The following SFXN1 variants were observed in gnomAD, a reference collection of about 807,000 sequenced individuals.
SFXN1 encodes the protein sideroflexin 1, also known as sideroflexin-1.
Under a neutral mutation model 39.5 loss-of-function variants are expected in SFXN1, and 32 were observed. The ratio of observed to expected loss-of-function variants is 0.81; its 90% CI spans 0.61 to 1.09. The LOEUF is 1.09. Among genes scored for constraint, SFXN1 ranks in the 50% least tolerant of loss-of-function variants. The pLI is 0.00. For synonymous variants in SFXN1, 136 were observed against 146.5 expected, an observed-to-expected ratio of 0.93 and a Z score of 0.52; for missense variants, 402 against 407.1, an observed-to-expected ratio of 0.99 and a Z score of 0.11.
At chr5:175,491,009 A>G (rs550911219) in intron 1 of SFXN1, among the ~76,000 whole-genome samples, 13 of 152,272 alleles carry the variant, frequency 8.5e-5, no homozygotes, top group Admixed American at 7.2e-4. Context: ...TTTATTCTCT[A>G]TTTTCTGTAA....
intron 4 of SFXN1, 92 bp downstream of exon 4, chr5:175,510,299 G>T: frequency 9.8e-7 from 1 of 1,023,470 alleles, no homozygotes. Context: ...GCCTATGTGT[G>T]CATATTTTTA....
At chr5:175,491,993 G>T in intron 1 of SFXN1, 102 bp from the exon 2 acceptor site, 1 of 743,206 alleles carries the variant, frequency 1.3e-6, no homozygotes, top group South Asian at 2.4e-5. Flanking sequence ...AATAGGAAGA[G>T]TATGTACATA....
chr5:175,502,908 C>A (rs1760138128), intron 2 of SFXN1, among the ~76,000 whole-genome samples: 1 of 152,000 alleles, frequency 6.6e-6, no homozygotes. Context: ...AACAGATTAA[C>A]CAACTCATAT....
intron 4 of SFXN1, 41 bp from the exon 5 acceptor site, chr5:175,511,410 C>A (rs755043506): frequency 6.1e-6 from 9 of 1,482,722 alleles, no homozygotes; most frequent in Non-Finnish European, 4.7e-6. Context: ...AGTTTCCTGA[C>A]ATGCCCTCGT....
At chr5:175,479,563 C>T (rs1441024468) in intron 1 of SFXN1, among the ~76,000 whole-genome samples, 2 of 152,100 alleles carry the variant, frequency 1.3e-5, no homozygotes, top group Non-Finnish European at 2.9e-5. Context: ...TGTCTTTTGT[C>T]ACTAGTTGAA....
chr5:175,498,384 A>G (rs1236057444), intron 2 of SFXN1, among the ~76,000 whole-genome samples: 1 of 152,202 alleles, frequency 6.6e-6, no homozygotes, highest in Non-Finnish European at 1.5e-5. Flanking sequence ...TCCATTTTTC[A>G]GATTAAGAAA....
rs541071504 is a variant in SFXN1 at position 175,528,112 on chromosome 5, G to A, written c.*1378G>A. On this transcript the variant is annotated 3_prime_UTR_variant, in exon 11 of 11. Coordinates refer to ENST00000321442, the MANE Select transcript of SFXN1 (RefSeq NM_022754.7). ...ATTTTTTTGTATTTTTAGTAGAGAC[G>A]GGGTTTCACTGTGGTCTCGATCTCC... 4.7e-3 allele frequency: 707 copies of A among 151,976 alleles called. 8 individuals are homozygous for A. The highest frequency in any genetic ancestry group is 7.9e-3 in the Non-Finnish European group (537 of 67,976). The allele number at this position is 151,976 out of a possible 1,614,324, so 9.4% of individuals were successfully genotyped here. A position where few individuals can be genotyped will look rare whatever the true frequency, so the allele number is the denominator to read the frequency against.
At position 175,526,777 on chromosome 5, in the gene SFXN1, C is replaced by A; in HGVS notation, c.*43C>A. 6.6e-7 allele frequency: 1 copy of A among 1,505,144 alleles called. No homozygotes were observed. Among genetic ancestry groups the A allele is most frequent in the Non-Finnish European group, 9.2e-7 (1 of 1,081,874 alleles). The allele number at this position is 1,505,144 out of a possible 1,614,324, so 93.2% of individuals were successfully genotyped here. A position where few individuals can be genotyped will look rare whatever the true frequency, so the allele number is the denominator to read the frequency against. On this transcript the variant is annotated 3_prime_UTR_variant, in exon 11 of 11. Transcript: ENST00000321442. Reference sequence around the variant, plus strand: ...TGCAGCTCATTCTGCCACTGCAAAGCTGGTGTAGCCATGCTGGTGAGAAAA... The same window carrying A: ...TGCAGCTCATTCTGCCACTGCAAAGATGGTGTAGCCATGCTGGTGAGAAAA...
intron 7 of SFXN1, among the ~76,000 whole-genome samples, chr5:175,514,435 G>A (rs572636126): frequency 1.3e-3 from 198 of 152,252 alleles, no homozygotes; most frequent in African/African-American, 4.5e-3. Flanking sequence ...CAGACCAGGG[G>A]CCTAAAGAAA....
chr5:175,487,157 C>A (rs1253996463), intron 1 of SFXN1, among the ~76,000 whole-genome samples: 1 of 152,166 alleles, frequency 6.6e-6, no homozygotes, highest in Non-Finnish European at 1.5e-5. Context: ...GGTGTCCGTC[C>A]AGCATGAAGT....
chr5:175,478,915 G>A (rs1419070584), intron 1 of SFXN1, among the ~76,000 whole-genome samples: 1 of 152,158 alleles, frequency 6.6e-6, no homozygotes, highest in Non-Finnish European at 1.5e-5. Flanking sequence ...TCCCCGGTGG[G>A]AAGGGCCCTC....
At chr5:175,514,125 G>T (rs1296338479) in intron 7 of SFXN1, among the ~76,000 whole-genome samples, 1 of 152,168 alleles carries the variant, frequency 6.6e-6, no homozygotes, top group Non-Finnish European at 1.5e-5. Context: ...GTGGTGGGTT[G>T]AGAATAGGCT....
At chr5:175,513,296 TAAAAAAAAAAAAA>T (rs55761424) in intron 6 of SFXN1, among the ~76,000 whole-genome samples, 154 bp from the exon 7 acceptor site, 9,105 of 65,684 alleles carry the variant, frequency 0.14, 452 homozygotes, top group Admixed American at 0.24. Context: ...AGTGAGACTG[TAAAAAAAAAAAAA>T]AAAAAAAAAA....
intron 10 of SFXN1, among the ~76,000 whole-genome samples, chr5:175,526,292 T>TA (rs1208502968): frequency 6.6e-6 from 1 of 152,202 alleles, no homozygotes; most frequent in Non-Finnish European, 1.5e-5. Flanking sequence ...AAATGATTGA[T>TA]ACGTTTTTCT....
intron 2 of SFXN1, among the ~76,000 whole-genome samples, chr5:175,496,023 C>T (rs1759847532): frequency 6.7e-6 from 1 of 150,084 alleles, no homozygotes; most frequent in Admixed American, 6.6e-5. Context: ...GCCTCAGCCT[C>T]CCGAGTAGCT....
rs1327780588 is a variant in SFXN1, at chr5:175,529,480, CA to C, written c.*2749del. 8.0e-6 allele frequency: 1 copy of C among 124,684 alleles called. No homozygotes were observed. Among genetic ancestry groups the C allele is most frequent in the Non-Finnish European group, 1.5e-5 (1 of 65,772 alleles). The allele number at this position is 124,684 out of a possible 1,614,324, so 7.7% of individuals were successfully genotyped here. A position where few individuals can be genotyped will look rare whatever the true frequency, so the allele number is the denominator to read the frequency against. ...GTTGATCACAGTTTATAAGAAAGAA[CA>C]AATCAAGATTGGCAATCCTTGCCGA... On this transcript the variant is annotated 3_prime_UTR_variant, in exon 11 of 11. Coordinates refer to ENST00000321442, the MANE Select transcript of SFXN1 (RefSeq NM_022754.7).
At chr5:175,483,043 G>T (rs747307702) in intron 1 of SFXN1, among the ~76,000 whole-genome samples, 5 of 152,120 alleles carry the variant, frequency 3.3e-5, no homozygotes, top group Non-Finnish European at 7.4e-5. Flanking sequence ...TAAATAAAAA[G>T]ACTTTGAGAA....
At chr5:175,506,064 C>T (rs1296979115) in intron 2 of SFXN1, among the ~76,000 whole-genome samples, 1 of 152,088 alleles carries the variant, frequency 6.6e-6, no homozygotes, top group Non-Finnish European at 1.5e-5. Flanking sequence ...GTGATCTGCC[C>T]GTCTCGGCCT....
At chr5:175,505,571 A>AATAATAATAATAATAATAATT (rs1365757735) in intron 2 of SFXN1, among the ~76,000 whole-genome samples, 2 of 135,724 alleles carry the variant, frequency 1.5e-5, no homozygotes, top group East Asian at 2.1e-4. Flanking sequence ...TAATAATAAT[A>AATAATAATAATAATAATAATT]ATTCTAAGGT....
Sources: gnomAD v4.1 joint callset for allele counts (sites outside exome capture counted in the v4.1 genomes callset) on GRCh38, gnomAD v4.1.1 for gene constraint, MANE v1.5 for transcripts, NCBI Gene and HGNC (gene_info 2026-07-23, HGNC 2026-07-21) for gene names.